Variants in SPAST observed in about 807,000 individuals in gnomAD.
The protein encoded by SPAST is spastic paraplegia 4 (autosomal dominant; spastin).
A neutral mutation model predicts 76.6 loss-of-function variants in SPAST; 30 were observed. The ratio of observed to expected loss-of-function variants is 0.39; its 90% CI spans 0.29 to 0.53. The LOEUF (loss-of-function observed/expected upper bound fraction) is 0.53, where lower values mean the gene tolerates loss of function less well. SPAST is among the 20% of genes least tolerant of loss of function. The probability of loss-of-function intolerance (pLI) is 0.68; values close to 1 mark genes in which losing one functional copy is unlikely to be tolerated. For synonymous variants in SPAST, 305 were observed against 281.0 expected, an observed-to-expected ratio of 1.09 and a Z score of -0.86; for missense variants, 717 against 770.5, an observed-to-expected ratio of 0.93 and a Z score of 0.82.
At chr2:32,089,751 A>G in intron 3 of SPAST, 146 bp downstream of exon 3, 1 of 627,900 alleles carries the variant, frequency 1.6e-6, no homozygotes, top group Non-Finnish European at 2.9e-6. Flanking sequence ...ATACAAAAAC[A>G]GAAGAGCATA....
At chr2:32,118,335 T>C (rs201329328) in intron 7 of SPAST, among the ~76,000 whole-genome samples, 2 of 152,228 alleles carry the variant, frequency 1.3e-5, no homozygotes, top group East Asian at 3.8e-4. Flanking sequence ...ATTTTACTTA[T>C]TACTCATTCT....
chr2:32,143,006 C>G (rs1035807573), intron 13 of SPAST, among the ~76,000 whole-genome samples: 1 of 152,104 alleles, frequency 6.6e-6, no homozygotes, highest in African/African-American at 2.4e-5. Flanking sequence ...TGTCTCACGC[C>G]TATAATCCCA....
intron 4 of SPAST, among the ~76,000 whole-genome samples, chr2:32,111,330 GCGT>G (rs879311357): frequency 0.049 from 6,718 of 137,980 alleles, 1,678 homozygotes; most frequent in East Asian, 0.11. Context: ...AGTGTGTATA[GCGT>G]ATATATACAG....
chr2:32,080,650 A>T (rs1677184076), intron 1 of SPAST, among the ~76,000 whole-genome samples: 1 of 152,100 alleles, frequency 6.6e-6, no homozygotes, highest in Non-Finnish European at 1.5e-5. Context: ...CCATTGGAAG[A>T]TTGGATTTTC....
intron 1 of SPAST, among the ~76,000 whole-genome samples, chr2:32,068,615 T>G (rs1364386425): frequency 6.6e-6 from 1 of 152,160 alleles, no homozygotes; most frequent in Non-Finnish European, 1.5e-5. Context: ...TGAGCCACCG[T>G]GCCCAGCCTT....
At chr2:32,142,059 G>A in intron 13 of SPAST, 113 bp downstream of exon 13, 1 of 869,372 alleles carries the variant, frequency 1.2e-6, no homozygotes, top group Non-Finnish European at 1.9e-6. Flanking sequence ...ACAGTTTAGT[G>A]GTTTCTTAAA....
In SPAST at chr2:32,064,151, C is replaced by T. The variant is rs776858496; in HGVS notation, c.320C>T (p.Pro107Leu). ...CCTGCCTCGGCCTCGGCCCCGGCGC[C>T]GGTGCCGGGCGGCGAGGCCGAGCGC... ...PAPASASAPA[P>L]VPGGEAERVR... The change falls in exon 1 of 17, where the codon CCG becomes CTG. Residue 107 changes from proline (P) to leucine (L), a missense_variant. Physicochemically the swap from Pro to Leu is moderately conservative, Grantham distance 98 (BLOSUM62 -3). This residue lies in a region of SPAST where 543 missense variants were observed against 445.2 expected (regional missense o/e 1.22). Coordinates refer to ENST00000315285, the MANE Select transcript of SPAST (RefSeq NM_014946.4). 8.4e-6 allele frequency: 13 copies of T among 1,556,082 alleles called. No homozygotes were observed. The highest frequency in any genetic ancestry group is 1.2e-5 in the South Asian group (1 of 85,146).
At chr2:32,095,000 A>G (rs984598075) in intron 3 of SPAST, among the ~76,000 whole-genome samples, 1 of 152,226 alleles carries the variant, frequency 6.6e-6, no homozygotes, top group Non-Finnish European at 1.5e-5. Context: ...TAGGAAAGGA[A>G]TGAAATACTC....
At chr2:32,086,887 T>C (rs1323499683) in intron 1 of SPAST, among the ~76,000 whole-genome samples, 1 of 152,228 alleles carries the variant, frequency 6.6e-6, no homozygotes, top group East Asian at 1.9e-4. Flanking sequence ...ACAGAAGTTA[T>C]TCTACATACT....
rs1474171887 is a variant in SPAST, at chr2:32,082,003, CTCTTT to C, written c.416-5487_416-5483del. On this transcript the variant is annotated intron_variant, in intron 1 of 16. Transcript: ENST00000315285. ...TTTAAAACTTTTTTTCTAGTTCTCT[CTCTTT>C]TTTTTTTTTTTTTTTTTTTTGAGAC... Among the ~76,000 whole-genome samples, 26 of 129,362 alleles carry C rather than the reference CTCTTT, an allele frequency of 2.0e-4. No homozygotes were observed. The South Asian group carries it at 6.7e-3, about 34-fold the overall frequency. 84.9% of individuals were successfully genotyped at this position (129,362 alleles called of 152,430 possible). A position where few individuals can be genotyped will look rare whatever the true frequency, so the allele number is the denominator to read the frequency against.
Position 32,063,851 on chromosome 2 carries a change from G to A in SPAST, c.20G>A (p.Arg7Gln). Reference sequence around the variant, plus strand: ...CTGTGAATGAATTCTCCGGGTGGACGAGGGAAGAAGAAAGGCTCCGGCGGC... The same window carrying A: ...CTGTGAATGAATTCTCCGGGTGGACAAGGGAAGAAGAAAGGCTCCGGCGGC... MNSPGG[R>Q]GKKKGSGGAS... Residue 7 changes from arginine (R) to glutamine (Q), a missense_variant, in exon 1 of 17, where the codon CGA (arginine) becomes CAA (glutamine). This residue lies in a region of SPAST where 543 missense variants were observed against 445.2 expected (regional missense o/e 1.22). Transcript: ENST00000315285. The A allele has an allele frequency of 1.3e-6, 2 of 1,581,716 alleles. No individual in the cohort carries two copies. Among genetic ancestry groups the A allele is most frequent in the Non-Finnish European group, 1.7e-6 (2 of 1,170,474 alleles).
At chr2:32,083,357 A>C (rs921602382) in intron 1 of SPAST, among the ~76,000 whole-genome samples, 1 of 151,914 alleles carries the variant, frequency 6.6e-6, no homozygotes, top group African/African-American at 2.4e-5. Context: ...GAGATTGTTG[A>C]CTCATGTGGT....
intron 1 of SPAST, among the ~76,000 whole-genome samples, chr2:32,073,628 C>T (rs1303534370): frequency 6.6e-6 from 1 of 152,132 alleles, no homozygotes; most frequent in African/African-American, 2.4e-5. Context: ...CATGCCTGGC[C>T]AGTTTTCTTC....
At chr2:32,082,767 A>G (rs1024110975) in intron 1 of SPAST, among the ~76,000 whole-genome samples, 1 of 152,032 alleles carries the variant, frequency 6.6e-6, no homozygotes, top group Non-Finnish European at 1.5e-5. Flanking sequence ...GGAAGCATGT[A>G]GTATGTAGCC....
chr2:32,128,292 G>C, intron 8 of SPAST, 116 bp from the exon 9 acceptor site: 1 of 780,522 alleles, frequency 1.3e-6, no homozygotes, highest in Non-Finnish European at 2.2e-6. Context: ...ACCACACCTG[G>C]CCTCATAGCT....
intron 9 of SPAST, among the ~76,000 whole-genome samples, chr2:32,135,774 T>G (rs886219922): frequency 1.3e-5 from 2 of 152,122 alleles, no homozygotes; most frequent in African/African-American, 4.8e-5. Context: ...CCAACTAAGT[T>G]AGTTGACTAT....
intron 16 of SPAST, 27 bp downstream of exon 16, chr2:32,147,285 T>C: frequency 6.7e-7 from 1 of 1,500,602 alleles, no homozygotes; most frequent in South Asian, 1.1e-5. Flanking sequence ...TGATATTTTC[T>C]TTGTCTTCTA....
At chr2:32,124,998 TA>T (rs1679143920) in intron 7 of SPAST, among the ~76,000 whole-genome samples, 1 of 152,064 alleles carries the variant, frequency 6.6e-6, no homozygotes, top group South Asian at 2.1e-4. Context: ...CCACAGAATA[TA>T]AAACATAAGA....
At chr2:32,151,182 A>T (rs1467609024) in intron 16 of SPAST, among the ~76,000 whole-genome samples, 1 of 151,920 alleles carries the variant, frequency 6.6e-6, no homozygotes, top group Non-Finnish European at 1.5e-5. Context: ...ACCTCAGGAG[A>T]TCCGCCCACC....
Sources: allele counts gnomAD v4.1 joint callset (sites outside exome capture counted in the v4.1 genomes callset), GRCh38; gene constraint gnomAD v4.1.1; regional missense constraint gnomAD v4.1.1; transcripts MANE v1.5; gene names NCBI Gene and HGNC (gene_info 2026-07-23, HGNC 2026-07-21).